The following RASAL2 variants were observed in gnomAD, a reference collection of about 807,000 sequenced individuals.
RASAL2 encodes ras GTPase-activating protein nGAP.
Under a neutral mutation model 128.9 loss-of-function variants are expected in RASAL2, and 58 were observed. The ratio of observed to expected loss-of-function variants is 0.45; its 90% CI spans 0.36 to 0.56. The LOEUF (loss-of-function observed/expected upper bound fraction) is 0.56, where lower values mean the gene tolerates loss of function less well. Ranked by LOEUF, RASAL2 falls within the 20% of genes least tolerant of loss-of-function variation. RASAL2 has a pLI of 0.00. For missense variants in RASAL2, 1,360 were observed against 1,601.6 expected (o/e 0.85, Z 2.57); for synonymous variants, 561 against 580.8 (o/e 0.97, Z 0.49).
In RASAL2 at chr1:178,136,816, A is replaced by C. The variant is rs143038166; in HGVS notation, c.202+42122A>C. Among the ~76,000 whole-genome samples, 730 of 150,602 alleles carry C rather than the reference A, an allele frequency of 4.8e-3. 5 individuals are homozygous for C. Among genetic ancestry groups the C allele is most frequent in the African/African-American group, 0.017 (686 of 41,252 alleles). ...AAAAGATAAGACAACCAGAAAAGAA[A>C]AGGTGTCCCTGATGAGATATATTTA... On this transcript the variant is annotated intron_variant, in intron 1 of 17. Coordinates refer to ENST00000367649, the MANE Select transcript of RASAL2 (RefSeq NM_170692.4).
At chr1:178,145,134 GT>G (rs973077123) in intron 1 of RASAL2, among the ~76,000 whole-genome samples, 48 of 152,200 alleles carry the variant, frequency 3.2e-4, no homozygotes, top group African/African-American at 1.1e-3. Context: ...TCCAGAATGA[GT>G]TTTTTACAAA....
chr1:178,242,118 TTA>T (rs1265275080), intron 1 of RASAL2, among the ~76,000 whole-genome samples: 4 of 152,216 alleles, frequency 2.6e-5, no homozygotes, highest in African/African-American at 9.7e-5. Flanking sequence ...ACATCACAGT[TTA>T]TTTTTATCAA....
chr1:178,305,252 C>T (rs1248833229), intron 3 of RASAL2, among the ~76,000 whole-genome samples: 1 of 152,112 alleles, frequency 6.6e-6, no homozygotes, highest in Non-Finnish European at 1.5e-5. Context: ...CAGTGCAATT[C>T]CTATCAAAAT....
chr1:178,270,463 A>G (rs1356339587), intron 1 of RASAL2, among the ~76,000 whole-genome samples: 6 of 151,988 alleles, frequency 3.9e-5, no homozygotes, highest in African/African-American at 1.2e-4. Flanking sequence ...TTAATATACA[A>G]AAGATCTTTT....
rs764865700 is a variant in RASAL2, at chr1:178,390,124, G to A, written c.482G>A (p.Arg161His). The A allele has an allele frequency of 1.4e-5, 23 of 1,611,786 alleles. No individual in the cohort carries two copies. The highest frequency in any genetic ancestry group is 1.6e-4 in the Middle Eastern group (1 of 6,074). The change falls in exon 4 of 18, where the codon CGT becomes CAT. Residue 161 changes from arginine (R) to histidine (H), a missense_variant. Transcript: ENST00000367649. ...GAGGTACCAGCAGAAAGGTCCCCTC[G>A]TAGACGGAGTATCTCAGGGACCAGT... ...KLEVPAERSP[R>H]RRSISGTSTS...
In RASAL2 at chr1:178,263,214, TAGG is replaced by T. The variant is rs377590035; in HGVS notation, c.203-20347_203-20345del. Among the ~76,000 whole-genome samples the T allele has an allele frequency of 5.6e-3, 849 of 152,322 alleles. 13 individuals are homozygous for T. The highest frequency in any genetic ancestry group is 0.02 in the African/African-American group (820 of 41,576). ...ATTTTTACCATCTGAACATTTTCAA[TAGG>T]AGTAACAAATGAACCCATTGTTTCA... On this transcript the variant is annotated intron_variant, in intron 1 of 17. Transcript: ENST00000367649.
chr1:178,311,253 A>AACACACACACACACACACACACACACAC (rs67243509), intron 3 of RASAL2, among the ~76,000 whole-genome samples: 68 of 143,692 alleles, frequency 4.7e-4, no homozygotes, highest in African/African-American at 1.2e-3. Context: ...CACACACACA[A>AACACACACACACACACACACACACACAC]ACACACACAC....
At chr1:178,103,784 A>G (rs542385232) in intron 1 of RASAL2, among the ~76,000 whole-genome samples, 1 of 152,242 alleles carries the variant, frequency 6.6e-6, no homozygotes, top group South Asian at 2.1e-4. Flanking sequence ...AGAACCCTTT[A>G]TCTGCAACAG....
In RASAL2 at chr1:178,457,914, G is replaced by T; in HGVS notation, c.2622G>T (p.Leu874Phe). The T allele has an allele frequency of 6.2e-7, 1 of 1,614,148 alleles. No individual in the cohort carries two copies. Among genetic ancestry groups the T allele is most frequent in the Non-Finnish European group, 8.5e-7 (1 of 1,180,032 alleles). Residue 874 changes from leucine to phenylalanine, a missense_variant, in exon 14 of 18, where the codon TTG becomes TTT. Leu to Phe is a conservative substitution (Grantham distance 22). Around this residue, in one of 3 missense-constraint regions of RASAL2, gnomAD observed 741 missense variants for 868.6 expected, o/e 0.85. Coordinates refer to ENST00000367649, the MANE Select transcript of RASAL2 (RefSeq NM_170692.4). ...ASVMLDVPIRLTGSQLSITQV... is the reference protein window; with the variant it reads ...ASVMLDVPIRFTGSQLSITQV... ...TCATGCTTGATGTGCCTATACGCTT[G>T]ACCGGAAGCCAGCTTTCCATAACCC...
chr1:178,340,702 G>A (rs1229553190), intron 3 of RASAL2, among the ~76,000 whole-genome samples: 2 of 152,104 alleles, frequency 1.3e-5, no homozygotes, highest in Non-Finnish European at 2.9e-5. Context: ...TTTTGAGGAG[G>A]AAATCAGGCA....
At chr1:178,261,680 T>C (rs2102135362) in intron 1 of RASAL2, among the ~76,000 whole-genome samples, 1 of 152,196 alleles carries the variant, frequency 6.6e-6, no homozygotes, top group East Asian at 1.9e-4. Context: ...CCCAGCATTT[T>C]GGGAGGCTGG....
At chr1:178,098,287 T>C (rs1398238855) in intron 1 of RASAL2, among the ~76,000 whole-genome samples, 1 of 152,190 alleles carries the variant, frequency 6.6e-6, no homozygotes, top group East Asian at 1.9e-4. Context: ...CCTGACTGAC[T>C]GTATGGGTGG....
intron 1 of RASAL2, among the ~76,000 whole-genome samples, chr1:178,106,362 G>T (rs987231637): frequency 3.3e-5 from 5 of 152,136 alleles, no homozygotes; most frequent in Non-Finnish European, 7.3e-5. Context: ...AGGCTTGACT[G>T]TGTACAACTT....
chr1:178,185,660 C>G (rs777593282), intron 1 of RASAL2, among the ~76,000 whole-genome samples: 4 of 151,818 alleles, frequency 2.6e-5, no homozygotes, highest in Middle Eastern at 3.2e-3. Context: ...TATGATTTTT[C>G]TTCTTTATCC....
chr1:178,247,027 C>CT (rs1189649520), intron 1 of RASAL2, among the ~76,000 whole-genome samples: 1 of 152,024 alleles, frequency 6.6e-6, no homozygotes, highest in African/African-American at 2.4e-5. Context: ...CTGAAATTTT[C>CT]TTTTTTTGTT....
intron 1 of RASAL2, among the ~76,000 whole-genome samples, chr1:178,279,297 A>G (rs893078770): frequency 1.3e-5 from 2 of 152,008 alleles, no homozygotes; most frequent in African/African-American, 4.8e-5. Context: ...TGTGTTATTC[A>G]TCCACCACAA....
chr1:178,194,463 G>T (rs1053756134), intron 1 of RASAL2: 7 of 203,658 alleles, frequency 3.4e-5, no homozygotes, highest in Non-Finnish European at 7.5e-5. Flanking sequence ...CTTGCCTCTG[G>T]AAGTACAGGA....
intron 1 of RASAL2, among the ~76,000 whole-genome samples, chr1:178,232,352 G>C (rs1664045597): frequency 6.6e-6 from 1 of 152,098 alleles, no homozygotes; most frequent in African/African-American, 2.4e-5. Context: ...GAGGAATAAA[G>C]GAATTTCTTT....
Position 178,094,404 on chromosome 1 carries a change from C to T in RASAL2, c.-89C>T, listed in dbSNP as rs1658587614. On this transcript the variant is annotated 5_prime_UTR_variant, in exon 1 of 18. Coordinates refer to ENST00000367649, the MANE Select transcript of RASAL2 (RefSeq NM_170692.4). ...GGTCCCTGCCCTCGCTGCGCGCTCT[C>T]CTCCTCCCCTTACCGCAGGCAGGGC... 1.3e-5 allele frequency: 16 copies of T among 1,275,842 alleles called. No homozygotes were observed. The South Asian group carries it at 2.0e-4, about 16-fold the overall frequency. The allele number at this position is 1,275,842 out of a possible 1,614,324, so 79.0% of individuals were successfully genotyped here.
Sources: allele counts gnomAD v4.1 joint callset (sites outside exome capture counted in the v4.1 genomes callset), GRCh38; gene constraint gnomAD v4.1.1; regional missense constraint gnomAD v4.1.1; transcripts MANE v1.5; gene names NCBI Gene and HGNC (gene_info 2026-07-23, HGNC 2026-07-21).